GALNT1: variants seen among roughly 807,000 people sequenced by gnomAD.
GALNT1 encodes the protein GalNAc transferase 1.
A neutral mutation model predicts 65.7 loss-of-function variants in GALNT1; 17 were observed. The observed-to-expected ratio is 0.26, with a 90% CI of 0.18 to 0.39. GALNT1 has a LOEUF of 0.39. GALNT1 is among the 10% of genes least tolerant of loss of function. GALNT1 has a pLI of 1.00. For missense variants in GALNT1, 460 were observed against 672.8 expected (o/e 0.68, Z 3.50); for synonymous variants, 210 against 219.7 (o/e 0.96, Z 0.39).
intron 1 of GALNT1, among the ~76,000 whole-genome samples, chr18:35,631,567 A>G (rs2047010661): frequency 6.6e-6 from 1 of 152,200 alleles, no homozygotes; most frequent in Non-Finnish European, 1.5e-5. Flanking sequence ...CAAAATAATA[A>G]GAGCTATCTA....
intron 1 of GALNT1, among the ~76,000 whole-genome samples, chr18:35,641,306 G>C (rs2047159906): frequency 6.6e-6 from 1 of 152,122 alleles, no homozygotes; most frequent in Non-Finnish European, 1.5e-5. Flanking sequence ...AATTAGGCGG[G>C]CATGATGGCG....
intron 1 of GALNT1, among the ~76,000 whole-genome samples, chr18:35,593,821 GTC>G (rs1277571361): frequency 2.0e-5 from 3 of 152,048 alleles, no homozygotes; most frequent in Admixed American, 2.0e-4. Context: ...CTATTCTCCT[GTC>G]TCTGCCTCCT....
chr18:35,689,120 CTGAT>C (rs1389782673), intron 6 of GALNT1, 49 bp from the exon 7 acceptor site: 2 of 1,175,518 alleles, frequency 1.7e-6, no homozygotes, highest in African/African-American at 1.5e-5. Flanking sequence ...AAAACAAAAA[CTGAT>C]TGATTGTAAA....
At chr18:35,608,808 A>T (rs1382529790) in intron 1 of GALNT1, among the ~76,000 whole-genome samples, 2 of 152,204 alleles carry the variant, frequency 1.3e-5, no homozygotes, top group Non-Finnish European at 2.9e-5. Context: ...GACAGAAAAG[A>T]AGGACTAGTT....
chr18:35,619,256 AC>A (rs1188884849), intron 1 of GALNT1, among the ~76,000 whole-genome samples: 1 of 152,088 alleles, frequency 6.6e-6, no homozygotes, highest in African/African-American at 2.4e-5. Context: ...TCTAAAATCT[AC>A]CCCTAACTCA....
upstream of GALNT1, among the ~76,000 whole-genome samples, chr18:35,581,484 G>C (rs2046312426): frequency 6.9e-6 from 1 of 144,140 alleles, no homozygotes; most frequent in South Asian, 2.3e-4. Context: ...GGCCGCCGCC[G>C]CCGCTGCCGC....
chr18:35,651,961 A>G (rs931514368), intron 1 of GALNT1, among the ~76,000 whole-genome samples: 1 of 152,086 alleles, frequency 6.6e-6, no homozygotes, highest in Non-Finnish European at 1.5e-5. Flanking sequence ...TTTGATGACA[A>G]TTGCAAACAT....
In GALNT1 at chr18:35,639,818, C is replaced by T. The variant is rs186262079; in HGVS notation, c.-103-14742C>T. On this transcript the variant is annotated intron_variant, in intron 1 of 11. Coordinates refer to ENST00000269195, the MANE Select transcript of GALNT1 (RefSeq NM_020474.4). ...TAGATTTCTTTTTTCTTTTGTCAGACGAAGTCTCACTTTTGTCCCCCAGGG... is the reference window on the plus strand; with the variant it reads ...TAGATTTCTTTTTTCTTTTGTCAGATGAAGTCTCACTTTTGTCCCCCAGGG... Among the ~76,000 whole-genome samples the T allele has an allele frequency of 3.9e-3, 595 of 152,122 alleles. 1 individual carries two copies. Among genetic ancestry groups the T allele is most frequent in the Non-Finnish European group, 7.1e-3 (485 of 68,006 alleles).
intron 1 of GALNT1, among the ~76,000 whole-genome samples, chr18:35,602,597 C>T (rs1015301258): frequency 2.3e-4 from 35 of 152,042 alleles, no homozygotes; most frequent in Middle Eastern, 3.2e-3. Flanking sequence ...ATCCTGTCTT[C>T]GAGCTCATAT....
Position 35,692,183 on chromosome 18 carries a change from G to T in GALNT1, c.1162G>T (p.Val388Phe). The change falls in exon 9 of 12, where the codon GTT becomes TTT. Residue 388 changes from valine to phenylalanine, a missense_variant and splice_region_variant. By Grantham distance (50) the Val-to-Phe change is conservative (BLOSUM62 -1). Transcript: ENST00000269195. ...KNFFYIISPGVTKVDYGDISS... is the reference protein window; with the variant it reads ...KNFFYIISPGFTKVDYGDISS... ...GAGTCAATTATTTCTTTCAACAGGT[G>T]TTACAAAGGTAGATTATGGAGATAT... is the stretch of plus-strand genomic sequence containing the variant. 1 of 1,605,332 alleles carries T rather than the reference G, an allele frequency of 6.2e-7. No individual in the cohort carries two copies. The highest frequency in any genetic ancestry group is 8.5e-7 in the Non-Finnish European group (1 of 1,176,196).
intron 1 of GALNT1, among the ~76,000 whole-genome samples, chr18:35,635,176 A>G (rs1000182344): frequency 2.0e-5 from 3 of 152,130 alleles, no homozygotes; most frequent in Non-Finnish European, 2.9e-5. Context: ...TCCAGGTCCT[A>G]TCTCAGTGAG....
At chr18:35,677,099 A>C (rs1369852438) in intron 3 of GALNT1, among the ~76,000 whole-genome samples, 2 of 152,180 alleles carry the variant, frequency 1.3e-5, no homozygotes, top group African/African-American at 4.8e-5. Context: ...CATCTGTGAA[A>C]TGTGGCTCCA....
chr18:35,675,632 G>T (rs1400416523), intron 3 of GALNT1, among the ~76,000 whole-genome samples: 1 of 152,170 alleles, frequency 6.6e-6, no homozygotes, highest in Non-Finnish European at 1.5e-5. Context: ...CCTAGCCATA[G>T]ACATGGCTAA....
chr18:35,678,956 A>C (rs1297158530), intron 4 of GALNT1, among the ~76,000 whole-genome samples: 1 of 152,236 alleles, frequency 6.6e-6, no homozygotes, highest in Non-Finnish European at 1.5e-5. Flanking sequence ...AAAAGGATAA[A>C]TCCTACCTTT....
intron 1 of GALNT1, among the ~76,000 whole-genome samples, chr18:35,629,064 A>G (rs1338859259): frequency 6.6e-6 from 1 of 152,232 alleles, no homozygotes; most frequent in African/African-American, 2.4e-5. Flanking sequence ...ATATGGGACT[A>G]TGTGAAAAGA....
rs574063838 is a variant in GALNT1 at position 35,690,234 on chromosome 18, TAACAAAGACAACAA to T, written c.979-773_979-760del. 3.6e-3 allele frequency among the ~76,000 whole-genome samples: 552 copies of T among 152,300 alleles called. 3 individuals are homozygous for T. Among genetic ancestry groups the T allele is most frequent in the Non-Finnish European group, 6.7e-3 (457 of 68,026 alleles). ...GCCCCTTTTTTTGTTTTTATTGTTC[TAACAAAGACAACAA>T]AACATGCTTTTACTGTCTCACTGAA... On this transcript the variant is annotated intron_variant, in intron 7 of 11. Coordinates refer to ENST00000269195, the MANE Select transcript of GALNT1 (RefSeq NM_020474.4).
At position 35,583,243 on chromosome 18, in the gene GALNT1, A is replaced by G. The variant is rs79381716; in HGVS notation, c.-104+1381A>G. The stretch of plus-strand genomic sequence containing the variant: ...CTGTCACCTCAGACTCAAGTAATGC[A>G]GAATGTGAAGCCCCGCTGCACATCA... On this transcript the variant is annotated intron_variant, in intron 1 of 11. Coordinates refer to ENST00000269195, the MANE Select transcript of GALNT1 (RefSeq NM_020474.4). Among the ~76,000 whole-genome samples the G allele has an allele frequency of 4.5e-3, 689 of 152,312 alleles. 7 individuals are homozygous for G. The highest frequency in any genetic ancestry group is 0.016 in the African/African-American group (651 of 41,568).
rs138942378 is a variant in GALNT1, at chr18:35,701,066, A to G, written c.1300-1831A>G. 9.8e-3 allele frequency among the ~76,000 whole-genome samples: 1,485 copies of G among 152,148 alleles called. 19 individuals are homozygous for G. The highest frequency in any genetic ancestry group is 0.035 in the African/African-American group (1,441 of 41,498). ...GATAAATACTCATCTTTATCACAAT[A>G]TGAACTTTTTTTTTTTTCTTTAAGA... On this transcript the variant is annotated intron_variant, in intron 9 of 11. Coordinates refer to ENST00000269195, the MANE Select transcript of GALNT1 (RefSeq NM_020474.4).
chr18:35,660,997 T>A (rs760193596), intron 2 of GALNT1, among the ~76,000 whole-genome samples: 1 of 152,168 alleles, frequency 6.6e-6, no homozygotes, highest in Non-Finnish European at 1.5e-5. Flanking sequence ...ATGTGCAAAA[T>A]AGTGCATCAG....
Sources: allele counts gnomAD v4.1 joint callset (sites outside exome capture counted in the v4.1 genomes callset), GRCh38; gene constraint gnomAD v4.1.1; transcripts MANE v1.5; gene names NCBI Gene and HGNC (gene_info 2026-07-23, HGNC 2026-07-21).